EDIL3: variants seen among roughly 807,000 people sequenced by gnomAD.
EDIL3 encodes the protein EGF-like repeat and discoidin I-like domain-containing protein 3.
EDIL3 carries 37 observed loss-of-function variants against 67.4 expected under a neutral mutation model. That is an observed-to-expected ratio of 0.55 (90% CI 0.42 to 0.72). EDIL3 has a LOEUF of 0.72. Ranked by LOEUF, EDIL3 falls within the 30% of genes least tolerant of loss-of-function variation. The pLI, the probability that EDIL3 is intolerant of heterozygous loss-of-function variation, is 0.00. For synonymous variants in EDIL3, 195 were observed against 196.3 expected (o/e 0.99, Z 0.05); for missense variants, 527 against 586.3 (o/e 0.90, Z 1.04).
At chr5:83,986,308 C>CA (rs1414821033) in intron 9 of EDIL3, among the ~76,000 whole-genome samples, 5 of 152,058 alleles carry the variant, frequency 3.3e-5, no homozygotes, top group African/African-American at 1.2e-4. Flanking sequence ...AAGTGTCTTC[C>CA]ATCATATGCT....
rs144725271 is a variant in EDIL3 at position 84,209,390 on chromosome 5, T to A, written c.226+20465A>T. On this transcript the variant is annotated intron_variant, in intron 3 of 10. Coordinates refer to ENST00000296591, the MANE Select transcript of EDIL3 (RefSeq NM_005711.5). ...TAAAGTATAATAATAAAAAAAAGAG[T>A]TCTACAAATGTTTAGGTTGCACTAC... Among the ~76,000 whole-genome samples, 26 of 151,410 alleles carry A rather than the reference T, an allele frequency of 1.7e-4. 1 individual carries two copies. In the East Asian group the frequency reaches 5.0e-3, roughly 29 times the overall value.
At position 84,180,403 on chromosome 5, in the gene EDIL3, G is replaced by A. The variant is rs978586488; in HGVS notation, c.345C>T (p.His115=). Residue 115 remains histidine, a synonymous_variant, in exon 4 of 11, where the codon CAC becomes CAT. Coordinates refer to ENST00000296591, the MANE Select transcript of EDIL3 (RefSeq NM_005711.5). ...CTATGAATAACTTACTGTGCTGACA[G>A]TGAATCCCATTAAATCCTCGGGGAC... ...CKCPRGFNGI[H]CQHNINECEV... 1.9e-6 allele frequency: 3 copies of A among 1,597,534 alleles called. No homozygotes were observed. Among genetic ancestry groups the A allele is most frequent in the African/African-American group, 1.3e-5 (1 of 74,128 alleles).
At position 84,384,319 on chromosome 5, in the gene EDIL3, T is replaced by C. The variant is rs964989646; in HGVS notation, c.56A>G (p.Gln19Arg). The C allele has an allele frequency of 4.3e-6, 7 of 1,610,046 alleles. No individual in the cohort carries two copies. The highest frequency in any genetic ancestry group is 2.7e-5 in the African/African-American group (2 of 74,594). ...TCCCGACGCCTTACCTTTGCCGAAC[T>C]GGGGGACACCGAGGCTGAGCCCGAC... Reference protein sequence around the residue: ...LLVGLSLGVPQFGKGDICDPN... With the variant: ...LLVGLSLGVPRFGKGDICDPN... Residue 19 changes from glutamine (Q) to arginine (R), a missense_variant, in exon 1 of 11, where the codon CAG (glutamine) becomes CGG (arginine). Gln to Arg is a conservative substitution (Grantham distance 43). This residue lies in a region of EDIL3 where 494 missense variants were observed against 522.5 expected (regional missense o/e 0.95). Transcript: ENST00000296591.
chr5:84,139,722 TAGAG>T (rs1214313358), intron 4 of EDIL3, among the ~76,000 whole-genome samples: 4 of 152,256 alleles, frequency 2.6e-5, no homozygotes, highest in Non-Finnish European at 4.4e-5. Context: ...CATATATACT[TAGAG>T]AGAGGAAACT....
intron 1 of EDIL3, among the ~76,000 whole-genome samples, chr5:84,381,804 T>C (rs1263462081): frequency 2.0e-5 from 3 of 152,230 alleles, no homozygotes; most frequent in Non-Finnish European, 4.4e-5. Flanking sequence ...AATTTAATAG[T>C]TAATAAAATA....
rs910048586 is a variant in EDIL3, at chr5:84,201,692, T to G, written c.227-21171A>C. Among the ~76,000 whole-genome samples, 14 of 152,146 alleles carry G rather than the reference T, an allele frequency of 9.2e-5. 1 individual carries two copies. The highest frequency in any genetic ancestry group is 2.1e-4 in the Non-Finnish European group (14 of 68,002). ...TATAGTCCTTTCTATAAATGTTGTA[T>G]AAACTAAGAGTAAAACTTGAAAGGT... On this transcript the variant is annotated intron_variant, in intron 3 of 10. Transcript: ENST00000296591.
chr5:83,970,652 T>C (rs1744775222), intron 9 of EDIL3, among the ~76,000 whole-genome samples: 1 of 14,712 alleles, frequency 6.8e-5, no homozygotes, highest in Admixed American at 1.4e-3. Context: ...AGTATATATA[T>C]ATATATATAT....
intron 3 of EDIL3, among the ~76,000 whole-genome samples, chr5:84,207,678 G>C (rs1351163226): frequency 1.3e-5 from 2 of 151,766 alleles, no homozygotes; most frequent in African/African-American, 4.8e-5. Context: ...AAAACAGCAT[G>C]GTACTGGTAC....
intron 1 of EDIL3, among the ~76,000 whole-genome samples, chr5:84,364,353 T>A (rs1747684572): frequency 6.6e-6 from 1 of 152,208 alleles, no homozygotes; most frequent in Non-Finnish European, 1.5e-5. Context: ...GAGCCAGAAT[T>A]GTCTTTTGAT....
chr5:84,143,090 T>A lies in EDIL3; in HGVS notation c.356-5736A>T, dbSNP rs548174711. Reference sequence around the variant, plus strand: ...ATTTTTCCTTATTTAAAGCCTATGATCTTTCAATTTCTCTTTAAAGATTGA... The same window carrying A: ...ATTTTTCCTTATTTAAAGCCTATGAACTTTCAATTTCTCTTTAAAGATTGA... On this transcript the variant is annotated intron_variant, in intron 4 of 10. Transcript: ENST00000296591. 2.5e-4 allele frequency among the ~76,000 whole-genome samples: 38 copies of A among 152,208 alleles called. No individual in the cohort carries two copies. In the South Asian group the frequency reaches 7.0e-3, roughly 28 times the overall value.
intron 1 of EDIL3, among the ~76,000 whole-genome samples, chr5:84,352,399 G>A (rs1481640701): frequency 6.6e-6 from 1 of 152,078 alleles, no homozygotes; most frequent in Non-Finnish European, 1.5e-5. Flanking sequence ...GTCTGCCAGA[G>A]GATGATTAGA....
intron 6 of EDIL3, among the ~76,000 whole-genome samples, chr5:84,098,054 GA>G (rs1036839690): frequency 2.7e-5 from 4 of 147,568 alleles, no homozygotes; most frequent in African/African-American, 1.0e-4. Flanking sequence ...TTATTAGTTG[GA>G]AAAAATCTAC....
At chr5:84,370,430 T>G (rs1306804705) in intron 1 of EDIL3, among the ~76,000 whole-genome samples, 1 of 152,108 alleles carries the variant, frequency 6.6e-6, no homozygotes, top group East Asian at 1.9e-4. Context: ...TGGAGGAAAG[T>G]TATTGCTGCT....
At chr5:84,319,491 C>CAAAAAAAAAAAAAAAAAAAAAAAAA (rs1561255911) in intron 1 of EDIL3, among the ~76,000 whole-genome samples, 1 of 3,940 alleles carries the variant, frequency 2.5e-4, no homozygotes, top group Non-Finnish European at 7.0e-4. Context: ...AAACAAAAAA[C>CAAAAAAAAAAAAAAAAAAAAAAAAA]AACAAAAAAA....
intron 1 of EDIL3, among the ~76,000 whole-genome samples, chr5:84,356,811 T>C (rs1024714318): frequency 6.6e-6 from 1 of 150,866 alleles, no homozygotes; most frequent in African/African-American, 2.4e-5. Context: ...TTCTAATCAT[T>C]AAATTGATGA....
intron 1 of EDIL3, among the ~76,000 whole-genome samples, chr5:84,264,813 A>G (rs1055149687): frequency 6.6e-6 from 1 of 152,204 alleles, no homozygotes; most frequent in Non-Finnish European, 1.5e-5. Flanking sequence ...AATCTCTGTC[A>G]AGAACACAAA....
chr5:84,261,512 T>C (rs563743213), intron 1 of EDIL3, among the ~76,000 whole-genome samples: 92 of 152,368 alleles, frequency 6.0e-4, no homozygotes, highest in African/African-American at 2.2e-3. Flanking sequence ...AGGTGCAATC[T>C]GATTCTTACC....
chr5:84,347,515 A>G (rs1561264536), intron 1 of EDIL3, among the ~76,000 whole-genome samples: 1 of 152,174 alleles, frequency 6.6e-6, no homozygotes, highest in Non-Finnish European at 1.5e-5. Flanking sequence ...AATATACGTA[A>G]CTATATTTTG....
intron 5 of EDIL3, among the ~76,000 whole-genome samples, chr5:84,110,484 A>G (rs889536974): frequency 3.3e-5 from 5 of 152,214 alleles, no homozygotes; most frequent in Non-Finnish European, 7.3e-5. Flanking sequence ...GAAAATATAC[A>G]TTGCTTTTAC....
Sources: gnomAD v4.1 joint callset for allele counts (sites outside exome capture counted in the v4.1 genomes callset) on GRCh38, gnomAD v4.1.1 for gene constraint, gnomAD v4.1.1 regional missense constraint, MANE v1.5 for transcripts, NCBI Gene and HGNC (gene_info 2026-07-23, HGNC 2026-07-21) for gene names.